The following UTRN variants were observed in gnomAD, a reference collection of about 807,000 sequenced individuals.
UTRN encodes the protein utrophin.
UTRN carries 283 observed loss-of-function variants against 463.9 expected under a neutral mutation model. The ratio of observed to expected loss-of-function variants is 0.61; its 90% confidence interval spans 0.55 to 0.67. The LOEUF is 0.67. Among genes scored for constraint, UTRN ranks in the 30% least tolerant of loss-of-function variants. UTRN has a pLI of 0.00. For synonymous variants in UTRN, 1,442 were observed against 1,431.5 expected, an observed-to-expected ratio of 1.01 and a Z score of -0.17; for missense variants, 3,922 against 4,084.3, an observed-to-expected ratio of 0.96 and a Z score of 1.08.
At chr6:144,584,575 A>T (rs1008006922) in intron 51 of UTRN, among the ~76,000 whole-genome samples, 3 of 152,102 alleles carry the variant, frequency 2.0e-5, no homozygotes, top group Non-Finnish European at 4.4e-5. Flanking sequence ...TGATGCTTAT[A>T]TGGCAGCAGA....
At chr6:144,667,431 G>C (rs1233885116) in intron 51 of UTRN, among the ~76,000 whole-genome samples, 3 of 152,172 alleles carry the variant, frequency 2.0e-5, no homozygotes, top group Non-Finnish European at 4.4e-5. Context: ...GTAGTTTGAA[G>C]TTGTCTTGTG....
intron 51 of UTRN, among the ~76,000 whole-genome samples, chr6:144,617,918 C>T (rs770374704): frequency 5.3e-5 from 8 of 152,090 alleles, no homozygotes; most frequent in Non-Finnish European, 1.0e-4. Flanking sequence ...TTGAAATGGG[C>T]AGTTCAACTA....
In UTRN at chr6:144,510,998, A is replaced by T; in HGVS notation, c.4819A>T (p.Ser1607Cys). The stretch of plus-strand genomic sequence containing the variant: ...AGCTGATTTAAATACCATCACAGAG[A>T]GTAGTGCTGCCCTGCAAAACTTGAT... ...RKADLNTITE[S>C]SAALQNLIEG... Residue 1607 changes from serine to cysteine, a missense_variant, in exon 35 of 75, where the codon AGT (serine) becomes TGT (cysteine). This residue lies in a region of UTRN where 2,349 missense variants were observed against 2,303.8 expected (regional missense o/e 1.02). Coordinates refer to ENST00000367545, the MANE Select transcript of UTRN (RefSeq NM_007124.3). The T allele has an allele frequency of 6.2e-7, 1 of 1,612,646 alleles. No homozygotes were observed. Among genetic ancestry groups the T allele is most frequent in the Non-Finnish European group, 8.5e-7 (1 of 1,178,996 alleles).
intron 51 of UTRN, among the ~76,000 whole-genome samples, chr6:144,591,637 T>G (rs1585436828): frequency 6.6e-6 from 1 of 152,170 alleles, no homozygotes. Flanking sequence ...GGTTGCTTAG[T>G]AGAGGATGGA....
chr6:144,716,977 C>CT (rs1207130640), intron 53 of UTRN, among the ~76,000 whole-genome samples: 2 of 152,102 alleles, frequency 1.3e-5, no homozygotes, highest in Non-Finnish European at 2.9e-5. Flanking sequence ...GTGTTCGTAG[C>CT]TTTTCTGGAT....
At chr6:144,304,386 G>A (rs574834717) in intron 2 of UTRN, among the ~76,000 whole-genome samples, 5 of 152,216 alleles carry the variant, frequency 3.3e-5, no homozygotes, top group South Asian at 2.1e-4. Flanking sequence ...GTGGATTGGC[G>A]CATGGTGAAT....
At chr6:144,598,887 G>A (rs530660589) in intron 51 of UTRN, among the ~76,000 whole-genome samples, 1 of 152,330 alleles carries the variant, frequency 6.6e-6, no homozygotes, top group South Asian at 2.1e-4. Flanking sequence ...GATCCATTCA[G>A]TTGGTTGGGG....
At chr6:144,806,213 A>T (rs1256855866) in intron 65 of UTRN, among the ~76,000 whole-genome samples, 1 of 152,194 alleles carries the variant, frequency 6.6e-6, no homozygotes, top group Non-Finnish European at 1.5e-5. Context: ...CTTAAGAATC[A>T]CTGATACACA....
At chr6:144,313,934 A>C (rs17073627) in intron 2 of UTRN, among the ~76,000 whole-genome samples, 1 of 152,210 alleles carries the variant, frequency 6.6e-6, no homozygotes, top group African/African-American at 2.4e-5. Flanking sequence ...CTGTTTCATT[A>C]ATATTCATAT....
intron 2 of UTRN, among the ~76,000 whole-genome samples, chr6:144,336,372 TG>T (rs1447613110): frequency 6.6e-6 from 1 of 152,172 alleles, no homozygotes; most frequent in Non-Finnish European, 1.5e-5. Context: ...AGACAGGCAG[TG>T]GCACAAGTTT....
At chr6:144,772,015 GGTTT>G (rs1794088368) in intron 59 of UTRN, 47 bp downstream of exon 59, 3 of 239,818 alleles carry the variant, frequency 1.3e-5, no homozygotes, top group South Asian at 6.6e-5. Context: ...ACTGAGAACC[GGTTT>G]TTTTTTTTTT....
At chr6:144,516,784 A>T in intron 38 of UTRN, 27 bp from the exon 39 acceptor site, 1 of 1,305,348 alleles carries the variant, frequency 7.7e-7, no homozygotes, top group Non-Finnish European at 1.0e-6. Context: ...CTTTTGAGTC[A>T]TTTTTTTTTT....
chr6:144,676,197 A>C (rs1781575339), intron 51 of UTRN, among the ~76,000 whole-genome samples: 1 of 152,200 alleles, frequency 6.6e-6, no homozygotes, highest in Non-Finnish European at 1.5e-5. Context: ...AGGGCAAGTA[A>C]AGTTAGGGAG....
At chr6:144,545,631 A>C (rs7749805) in intron 46 of UTRN, among the ~76,000 whole-genome samples, 81,533 of 152,118 alleles carry the variant, frequency 0.54, 23,766 homozygotes, top group East Asian at 0.85. Flanking sequence ...CCCTTTCTAG[A>C]ATAGCCCTTT....
At position 144,557,251 on chromosome 6, in the gene UTRN, C is replaced by G; in HGVS notation, c.7229C>G (p.Thr2410Arg). ...KLLEEYGSDD[T>R]RNVKETTEYL... Reference sequence around the variant, plus strand: ...CTGGAGGAATATGGGAGTGATGACACAAGGAATGTGAAAGAAACCACAGAG... The same window carrying G: ...CTGGAGGAATATGGGAGTGATGACAGAAGGAATGTGAAAGAAACCACAGAG... The change falls in exon 50 of 75, where the codon ACA becomes AGA. Residue 2410 changes from threonine (T) to arginine (R), a missense_variant. Physicochemically the swap from Thr to Arg is moderately conservative, Grantham distance 71. This residue lies in a region of UTRN where 1,309 missense variants were observed against 1,452.6 expected (regional missense o/e 0.90). Coordinates refer to ENST00000367545, the MANE Select transcript of UTRN (RefSeq NM_007124.3). 1 of 1,613,838 alleles carries G rather than the reference C, an allele frequency of 6.2e-7. No individual in the cohort carries two copies. Among genetic ancestry groups the G allele is most frequent in the Non-Finnish European group, 8.5e-7 (1 of 1,179,860 alleles).
At position 144,542,807 on chromosome 6, in the gene UTRN, G is replaced by T. The variant is rs1293729339; in HGVS notation, c.6532G>T (p.Val2178Leu). Residue 2178 changes from valine to leucine, a missense_variant, in exon 46 of 75, where the codon GTG becomes TTG. By Grantham distance (32) the Val-to-Leu change is conservative. Transcript: ENST00000367545. ...NMTWNKICRE[V>L]PTTLKECIQE... ...CCTGATGCGGTAGATTTGCAGAGAG[G>T]TGCCTACCACCCTGAAGGAATGCAT... The T allele has an allele frequency of 6.2e-7, 1 of 1,613,596 alleles. No homozygotes were observed. The highest frequency in any genetic ancestry group is 2.2e-5 in the East Asian group (1 of 44,844).
At chr6:144,306,525 C>T (rs1035082935) in intron 2 of UTRN, among the ~76,000 whole-genome samples, 2 of 152,018 alleles carry the variant, frequency 1.3e-5, no homozygotes, top group African/African-American at 4.8e-5. Flanking sequence ...CTTTAACACT[C>T]GCAAATGAAG....
chr6:144,497,508 C>G (rs147132502), intron 33 of UTRN, among the ~76,000 whole-genome samples: 5 of 133,586 alleles, frequency 3.7e-5, no homozygotes, highest in Admixed American at 7.4e-5. Context: ...AAACCCGTCT[C>G]TACTCAAAAA....
chr6:144,728,205 A>G (rs1013114125), intron 53 of UTRN, among the ~76,000 whole-genome samples: 1 of 151,542 alleles, frequency 6.6e-6, no homozygotes, highest in Non-Finnish European at 1.5e-5. Context: ...TAATTTTGCT[A>G]TATTACCTGC....
Sources: gnomAD v4.1 joint callset for allele counts (sites outside exome capture counted in the v4.1 genomes callset) on GRCh38, gnomAD v4.1.1 for gene constraint, gnomAD v4.1.1 regional missense constraint, MANE v1.5 for transcripts, NCBI Gene and HGNC (gene_info 2026-07-23, HGNC 2026-07-21) for gene names.